Variants in SUGCT observed in about 807,000 individuals in gnomAD.
SUGCT encodes succinyl-CoA:glutarate-CoA transferase, also known as succinyl-CoA:glutarate CoA-transferase.
Under a neutral mutation model 55.0 loss-of-function variants are expected in SUGCT, and 41 were observed. That is an observed-to-expected ratio of 0.74 (90% confidence interval 0.58 to 0.97). SUGCT has a LOEUF of 0.97. Ranked by LOEUF, SUGCT falls within the 50% of genes least tolerant of loss-of-function variation. The probability of loss-of-function intolerance (pLI) is 0.00; values close to 1 mark genes in which losing one functional copy is unlikely to be tolerated. For missense variants in SUGCT, 568 were observed against 547.8 expected, an observed-to-expected ratio of 1.04 and a Z score of -0.37; for synonymous variants, 187 against 200.4, an observed-to-expected ratio of 0.93 and a Z score of 0.56.
chr7:40,249,327 A>C lies in SUGCT; in HGVS notation c.576+11601A>C, dbSNP rs1166919449. Among the ~76,000 whole-genome samples, 46 of 117,666 alleles carry C rather than the reference A, an allele frequency of 3.9e-4. 3 individuals carry two copies. The highest frequency in any genetic ancestry group is 1.4e-3 in the African/African-American group (39 of 28,498). 77.2% of individuals were successfully genotyped at this position (117,666 alleles called of 152,430 possible). ...ACACCAAAAAGCTATATATATATAT[A>C]TATATATATATATATATATAATTAT... On this transcript the variant is annotated intron_variant, in intron 7 of 13. Coordinates refer to ENST00000335693, the MANE Select transcript of SUGCT (RefSeq NM_001193313.2).
chr7:40,506,507 A>G (rs909822066), intron 12 of SUGCT, among the ~76,000 whole-genome samples: 1 of 152,104 alleles, frequency 6.6e-6, no homozygotes, highest in African/African-American at 2.4e-5. Context: ...ATCTACTTTG[A>G]GTTCATTCAG....
chr7:40,822,493 G>T (rs1792075071), intron 13 of SUGCT, among the ~76,000 whole-genome samples: 1 of 152,168 alleles, frequency 6.6e-6, no homozygotes, highest in South Asian at 2.1e-4. Context: ...TCTTCTTGTT[G>T]AGTTGATCCC....
intron 12 of SUGCT, among the ~76,000 whole-genome samples, chr7:40,631,469 A>C (rs148368334): frequency 6.6e-6 from 1 of 152,180 alleles, no homozygotes; most frequent in African/African-American, 2.4e-5. Context: ...GATGGTTTTC[A>C]CTCATCAAAG....
intron 12 of SUGCT, among the ~76,000 whole-genome samples, chr7:40,550,392 C>G (rs1795236440): frequency 1.3e-5 from 2 of 152,160 alleles, no homozygotes; most frequent in Non-Finnish European, 2.9e-5. Flanking sequence ...CCTGGAATAC[C>G]TAGTCTTTCA....
intron 13 of SUGCT, among the ~76,000 whole-genome samples, chr7:40,831,898 G>C (rs900305481): frequency 6.6e-6 from 1 of 152,208 alleles, no homozygotes; most frequent in African/African-American, 2.4e-5. Context: ...GGACAGCCTA[G>C]AGGGGGCTCC....
In SUGCT at chr7:40,446,018, G is replaced by T. The variant is rs563409746; in HGVS notation, c.817-3269G>T. Among the ~76,000 whole-genome samples the T allele has an allele frequency of 2.0e-5, 3 of 152,168 alleles. No homozygotes were observed. The South Asian group carries it at 6.2e-4, about 32-fold the overall frequency. Reference sequence around the variant, plus strand: ...ATATTAACAAGGGTACAGATGAAGAGATGTGTATTGTAAGGTATAGGGAGG... The same window carrying T: ...ATATTAACAAGGGTACAGATGAAGATATGTGTATTGTAAGGTATAGGGAGG... On this transcript the variant is annotated intron_variant, in intron 9 of 13. Coordinates refer to ENST00000335693, the MANE Select transcript of SUGCT (RefSeq NM_001193313.2).
the SUGCT span, among the ~76,000 whole-genome samples, chr7:40,948,327 A>G: frequency 6.6e-6 from 1 of 152,214 alleles, no homozygotes; most frequent in African/African-American, 2.4e-5. Context: ...AGCAACTTTC[A>G]ATAAGTAACT....
At chr7:40,648,226 C>T (rs1462109871) in intron 12 of SUGCT, among the ~76,000 whole-genome samples, 3 of 152,106 alleles carry the variant, frequency 2.0e-5, no homozygotes, top group African/African-American at 7.2e-5. Flanking sequence ...TATATATATA[C>T]ATACATAATT....
At chr7:40,141,824 C>T (rs1429007569) in intron 1 of SUGCT, 2 of 407,160 alleles carry the variant, frequency 4.9e-6, no homozygotes, top group Admixed American at 2.5e-5. Flanking sequence ...TAATTCTCAG[C>T]AAGGCAATGT....
intron 9 of SUGCT, among the ~76,000 whole-genome samples, chr7:40,447,934 G>A (rs1270540144): frequency 6.6e-6 from 1 of 152,112 alleles, no homozygotes; most frequent in Non-Finnish European, 1.5e-5. Flanking sequence ...GGTAAAATTT[G>A]GTTCCTCCAA....
chr7:40,203,728 TCG>T (rs1335738924), intron 6 of SUGCT, among the ~76,000 whole-genome samples: 4 of 150,654 alleles, frequency 2.7e-5, no homozygotes, highest in Non-Finnish European at 5.9e-5. Flanking sequence ...TGAGCTGAGA[TCG>T]CACCATTGCA....
intron 7 of SUGCT, among the ~76,000 whole-genome samples, chr7:40,254,475 G>A (rs1246601535): frequency 6.6e-6 from 1 of 151,584 alleles, no homozygotes; most frequent in Non-Finnish European, 1.5e-5. Flanking sequence ...TCGGCTCTCC[G>A]CAACCTCTGC....
At chr7:40,679,365 T>C (rs959355425) in intron 12 of SUGCT, among the ~76,000 whole-genome samples, 1 of 149,528 alleles carries the variant, frequency 6.7e-6, no homozygotes, top group Non-Finnish European at 1.5e-5. Context: ...GTATCCCTGA[T>C]AAGAACAGAT....
At chr7:40,322,237 GTCTC>G (rs1248211304) in intron 9 of SUGCT, among the ~76,000 whole-genome samples, 1 of 151,860 alleles carries the variant, frequency 6.6e-6, no homozygotes, top group Non-Finnish European at 1.5e-5. Context: ...CCCATCTTGT[GTCTC>G]TCTCTCTCCC....
Position 40,749,410 on chromosome 7 carries a change from TTC to T in SUGCT, c.1090-18_1090-17del, listed in dbSNP as rs779102112. On this transcript the variant is annotated intron_variant, in intron 12 of 13. Coordinates refer to ENST00000335693, the MANE Select transcript of SUGCT (RefSeq NM_001193313.2). ...GATGGTTTTATTTTGTAAATTATTT[TTC>T]TCTCTGTTTTTGCCTTTTCAGGTAT... 2.5e-6 allele frequency: 4 copies of T among 1,599,138 alleles called. No individual in the cohort carries two copies. The Admixed American group carries it at 6.7e-5, about 27-fold the overall frequency.
At chr7:40,185,030 T>C (rs1442600567) in intron 3 of SUGCT, among the ~76,000 whole-genome samples, 1 of 152,218 alleles carries the variant, frequency 6.6e-6, no homozygotes, top group African/African-American at 2.4e-5. Context: ...TATTATATTT[T>C]ATTACTTTTT....
intron 6 of SUGCT, among the ~76,000 whole-genome samples, chr7:40,208,066 G>A (rs1361426199): frequency 6.6e-6 from 1 of 152,176 alleles, no homozygotes; most frequent in East Asian, 1.9e-4. Flanking sequence ...ATTTTGTTAA[G>A]TGAAATAAGC....
intron 12 of SUGCT, 98 bp downstream of exon 12, chr7:40,496,484 TG>T (rs1483684397): frequency 2.0e-5 from 16 of 820,120 alleles, no homozygotes; most frequent in Non-Finnish European, 4.1e-6. Flanking sequence ...TCACATGATG[TG>T]AATTTTCACC....
chr7:40,442,637 G>A (rs1354712466), intron 9 of SUGCT, among the ~76,000 whole-genome samples: 2 of 151,962 alleles, frequency 1.3e-5, no homozygotes, highest in African/African-American at 4.8e-5. Context: ...TACTTTACCT[G>A]GGAGTTGGGA....
Sources: allele counts gnomAD v4.1 joint callset (sites outside exome capture counted in the v4.1 genomes callset), GRCh38; gene constraint gnomAD v4.1.1; transcripts MANE v1.5; gene names NCBI Gene and HGNC (gene_info 2026-07-23, HGNC 2026-07-21).